UBE2H: variants seen among roughly 807,000 people sequenced by gnomAD.
UBE2H encodes ubiquitin-conjugating enzyme E2 H.
In UBE2H, 3 loss-of-function variants were observed where a neutral mutation model predicts 29.0. That is an observed-to-expected ratio of 0.10 (90% CI 0.05 to 0.27). The LOEUF is 0.27. UBE2H is among the 10% of genes least tolerant of loss of function. The pLI, the probability that UBE2H is intolerant of heterozygous loss-of-function variation, is 1.00. For missense variants in UBE2H, 68 were observed against 228.2 expected (o/e 0.30, Z 4.52); for synonymous variants, 69 against 82.9 (o/e 0.83, Z 0.91).
At chr7:129,944,746 A>G (rs1019348110) in intron 1 of UBE2H, among the ~76,000 whole-genome samples, 8 of 133,272 alleles carry the variant, frequency 6.0e-5, no homozygotes, top group South Asian at 2.4e-4. Context: ...ACACACACAC[A>G]CACACGCACG....
chr7:129,863,623 C>G (rs947552998), intron 3 of UBE2H, among the ~76,000 whole-genome samples: 10 of 152,040 alleles, frequency 6.6e-5, no homozygotes, highest in African/African-American at 1.2e-4. Context: ...CAGAAATTTT[C>G]TAGAGAATAC....
At chr7:129,944,039 G>C (rs766822477) in intron 1 of UBE2H, among the ~76,000 whole-genome samples, 2 of 152,150 alleles carry the variant, frequency 1.3e-5, no homozygotes, top group Non-Finnish European at 2.9e-5. Flanking sequence ...TTAAGAGCAT[G>C]TAATTTAACA....
intron 3 of UBE2H, among the ~76,000 whole-genome samples, chr7:129,868,550 G>A (rs1482973261): frequency 7.8e-6 from 1 of 128,498 alleles, no homozygotes; most frequent in Non-Finnish European, 1.6e-5. Context: ...ACTGCAGTCC[G>A]CAGTCCGGCC....
At chr7:129,873,460 G>A (rs1244060780) in intron 3 of UBE2H, among the ~76,000 whole-genome samples, 4 of 135,170 alleles carry the variant, frequency 3.0e-5, no homozygotes, top group East Asian at 2.1e-4. Flanking sequence ...TCTTGAGACC[G>A]GTTTCACTCT....
chr7:129,936,754 C>T (rs552330405), intron 1 of UBE2H, among the ~76,000 whole-genome samples: 24 of 144,346 alleles, frequency 1.7e-4, no homozygotes, highest in African/African-American at 4.4e-4. Flanking sequence ...GTCAGGAGTT[C>T]GAGACCAGCC....
intron 6 of UBE2H, among the ~76,000 whole-genome samples, chr7:129,835,693 T>C (rs1259591631): frequency 6.6e-6 from 1 of 152,192 alleles, no homozygotes; most frequent in Non-Finnish European, 1.5e-5. Context: ...AACCCTAGGC[T>C]GAATAAGACT....
At chr7:129,899,247 A>C (rs1326958717) in intron 1 of UBE2H, among the ~76,000 whole-genome samples, 1 of 152,096 alleles carries the variant, frequency 6.6e-6, no homozygotes, top group African/African-American at 2.4e-5. Context: ...TAGAAGTGGA[A>C]CTTCTATTCA....
chr7:129,951,664 G>A (rs1443777939), intron 1 of UBE2H, among the ~76,000 whole-genome samples: 4 of 152,138 alleles, frequency 2.6e-5, no homozygotes, highest in Non-Finnish European at 4.4e-5. Context: ...AGAAAATAAA[G>A]GGTGTCACTT....
At chr7:129,944,251 G>A (rs950623967) in intron 1 of UBE2H, among the ~76,000 whole-genome samples, 1 of 152,122 alleles carries the variant, frequency 6.6e-6, no homozygotes, top group African/African-American at 2.4e-5. Flanking sequence ...AGCTACTCAG[G>A]AGGCCGAGGC....
intron 1 of UBE2H, among the ~76,000 whole-genome samples, chr7:129,933,997 G>A (rs979993928): frequency 6.6e-6 from 1 of 152,126 alleles, no homozygotes; most frequent in African/African-American, 2.4e-5. Flanking sequence ...AAGGATAAAC[G>A]TGAAATGTAT....
rs1161097932 is a variant in UBE2H, at chr7:129,906,407, G to C, written c.54-25436C>G. Reference sequence around the variant, plus strand: ...TTTAGTAGAGGCAGGGTTTCACCATGTTGGCCAGGCTGGTCTCGAACTCCT... The same window carrying C: ...TTTAGTAGAGGCAGGGTTTCACCATCTTGGCCAGGCTGGTCTCGAACTCCT... On this transcript the variant is annotated intron_variant, in intron 1 of 6. Coordinates refer to ENST00000355621, the MANE Select transcript of UBE2H (RefSeq NM_003344.4). Among the ~76,000 whole-genome samples the C allele has an allele frequency of 4.6e-5, 7 of 152,136 alleles. No homozygotes were observed. In the East Asian group the frequency reaches 1.2e-3, roughly 25 times the overall value.
chr7:129,915,607 C>T (rs890114991), intron 1 of UBE2H, among the ~76,000 whole-genome samples: 1 of 152,188 alleles, frequency 6.6e-6, no homozygotes, highest in Admixed American at 6.5e-5. Context: ...CTAAACAGAA[C>T]GAACTATTTT....
chr7:129,905,689 C>T (rs1369635151), intron 1 of UBE2H, among the ~76,000 whole-genome samples: 1 of 152,198 alleles, frequency 6.6e-6, no homozygotes, highest in Non-Finnish European at 1.5e-5. Context: ...GGAAGAGGGA[C>T]AAGCCAAGGA....
At position 129,952,511 on chromosome 7, in the gene UBE2H, C is replaced by T. The variant is rs1254237502; in HGVS notation, c.45G>A (p.Val15=). ...CCCTCCACGAAGGATACAGCTTGACCACGTCCGTGTCCATCCGCCTCTTGC... is the reference window on the plus strand; with the variant it reads ...CCCTCCACGAAGGATACAGCTTGACTACGTCCGTGTCCATCCGCCTCTTGC... ...SPGKRRMDTD[V]VKLIESKHEV... is the part of the protein sequence containing the mutation. Residue 15 remains valine, a synonymous_variant, in exon 1 of 7, where the codon GTG becomes GTA. Transcript: ENST00000355621. 1.2e-6 allele frequency: 2 copies of T among 1,612,940 alleles called. No individual in the cohort carries two copies. Among genetic ancestry groups the T allele is most frequent in the African/African-American group, 2.7e-5 (2 of 74,918 alleles).
intron 3 of UBE2H, among the ~76,000 whole-genome samples, chr7:129,863,661 A>G (rs1805841912): frequency 6.6e-6 from 1 of 152,210 alleles, no homozygotes. Context: ...AAAATACCAT[A>G]AAGAGCCACA....
chr7:129,885,588 T>G (rs966614642), intron 1 of UBE2H, among the ~76,000 whole-genome samples: 1 of 152,210 alleles, frequency 6.6e-6, no homozygotes, highest in Non-Finnish European at 1.5e-5. Flanking sequence ...TCCCCAGTAA[T>G]AGCCCACATG....
At chr7:129,942,829 A>G (rs1807675085) in intron 1 of UBE2H, among the ~76,000 whole-genome samples, 1 of 152,038 alleles carries the variant, frequency 6.6e-6, no homozygotes, top group Non-Finnish European at 1.5e-5. Context: ...CTATGATCCT[A>G]AAGTGTAATG....
chr7:129,946,466 G>C (rs1807768108), intron 1 of UBE2H, among the ~76,000 whole-genome samples: 2 of 152,258 alleles, frequency 1.3e-5, no homozygotes, highest in South Asian at 4.1e-4. Flanking sequence ...ATCCTGGGGA[G>C]AATAAAAGAT....
At chr7:129,868,440 C>T (rs1204632419) in intron 3 of UBE2H, among the ~76,000 whole-genome samples, 1 of 149,220 alleles carries the variant, frequency 6.7e-6, no homozygotes, top group South Asian at 2.1e-4. Context: ...ATTAGCCAGG[C>T]GCGGTGGCGG....
Sources: allele counts gnomAD v4.1 joint callset (sites outside exome capture counted in the v4.1 genomes callset), GRCh38; gene constraint gnomAD v4.1.1; transcripts MANE v1.5; gene names NCBI Gene and HGNC (gene_info 2026-07-23, HGNC 2026-07-21).